MCHR2: variants seen among roughly 807,000 people sequenced by gnomAD.
MCHR2 encodes melanin concentrating hormone receptor 2, also known as melanin-concentrating hormone receptor 2.
Under a neutral mutation model 24.8 loss-of-function variants are expected in MCHR2, and 15 were observed. The observed-to-expected ratio is 0.60, with a 90% CI of 0.40 to 0.93. The LOEUF (loss-of-function observed/expected upper bound fraction) is 0.93, where lower values mean the gene tolerates loss of function less well. MCHR2 is among the 40% of genes least tolerant of loss of function. MCHR2 has a pLI of 0.00. For synonymous variants in MCHR2, 151 were observed against 147.6 expected (o/e 1.02, Z -0.17); for missense variants, 386 against 408.7 (o/e 0.94, Z 0.48).
At chr6:99,975,494 AG>A (rs758382958) in intron 1 of MCHR2, among the ~76,000 whole-genome samples, 44 of 152,206 alleles carry the variant, frequency 2.9e-4, no homozygotes, top group Non-Finnish European at 5.6e-4. Context: ...TGACTAGGAA[AG>A]GGAACTCCCT....
chr6:99,964,553 G>A (rs909969699), intron 1 of MCHR2, among the ~76,000 whole-genome samples: 1 of 152,030 alleles, frequency 6.6e-6, no homozygotes, highest in Non-Finnish European at 1.5e-5. Context: ...CAGGAGAAAT[G>A]CCACATGCTA....
chr6:99,954,851 A>G (rs982267890), intron 2 of MCHR2, among the ~76,000 whole-genome samples: 1 of 152,166 alleles, frequency 6.6e-6, no homozygotes, highest in African/African-American at 2.4e-5. Context: ...CATGCATAAA[A>G]TTATTCAAAA....
At chr6:99,935,809 C>T (rs1214817602) in intron 4 of MCHR2, among the ~76,000 whole-genome samples, 1 of 151,722 alleles carries the variant, frequency 6.6e-6, no homozygotes, top group African/African-American at 2.4e-5. Flanking sequence ...TATATATTCC[C>T]ACCGACAATG....
chr6:99,940,012 A>G (rs1774741777), intron 4 of MCHR2, among the ~76,000 whole-genome samples: 1 of 150,410 alleles, frequency 6.6e-6, no homozygotes, highest in Admixed American at 6.7e-5. Flanking sequence ...CTGATTTTAG[A>G]GTTCTATCTT....
chr6:99,952,229 A>G (rs1774978573), intron 2 of MCHR2, among the ~76,000 whole-genome samples: 1 of 152,074 alleles, frequency 6.6e-6, no homozygotes, highest in African/African-American at 2.4e-5. Context: ...CCTGCTGTAA[A>G]TTTAATGTAC....
At chr6:99,941,985 G>A (rs1438465410) in intron 4 of MCHR2, among the ~76,000 whole-genome samples, 1 of 152,214 alleles carries the variant, frequency 6.6e-6, no homozygotes, top group East Asian at 1.9e-4. Flanking sequence ...ACTGACTTGA[G>A]ATAGCATATG....
chr6:99,961,965 T>G (rs1280280261), intron 1 of MCHR2, among the ~76,000 whole-genome samples: 1 of 152,152 alleles, frequency 6.6e-6, no homozygotes, highest in African/African-American at 2.4e-5. Flanking sequence ...TCTTCACAAT[T>G]TCACAGATAG....
intron 5 of MCHR2, 93 bp from the exon 6 acceptor site, chr6:99,921,348 G>T (rs1423826429): frequency 9.4e-7 from 1 of 1,066,088 alleles, no homozygotes; most frequent in South Asian, 1.6e-5. Context: ...GTTCATAATG[G>T]CTTTGTAGTG....
At chr6:99,924,064 A>G (rs1774298490) in intron 5 of MCHR2, among the ~76,000 whole-genome samples, 1 of 152,010 alleles carries the variant, frequency 6.6e-6, no homozygotes, top group African/African-American at 2.4e-5. Flanking sequence ...GGAGACTTTT[A>G]ATTATGGCTT....
At chr6:99,939,880 T>G (rs1005999777) in intron 4 of MCHR2, among the ~76,000 whole-genome samples, 2 of 151,184 alleles carry the variant, frequency 1.3e-5, no homozygotes, top group Admixed American at 6.6e-5. Flanking sequence ...GTGTTTTTTT[T>G]TTTTTTTTTT....
At chr6:99,963,165 G>C (rs567473496) in intron 1 of MCHR2, among the ~76,000 whole-genome samples, 6 of 152,044 alleles carry the variant, frequency 3.9e-5, no homozygotes, top group Non-Finnish European at 5.9e-5. Context: ...ATGTGGAAAA[G>C]TTGGAACTCT....
chr6:99,953,587 TG>T (rs1295586476), intron 2 of MCHR2, among the ~76,000 whole-genome samples: 1 of 152,246 alleles, frequency 6.6e-6, no homozygotes, highest in East Asian at 1.9e-4. Flanking sequence ...TTCCCCCACT[TG>T]ATTGTTTTTA....
chr6:99,930,803 G>C (rs1774504841), intron 5 of MCHR2, among the ~76,000 whole-genome samples: 1 of 152,064 alleles, frequency 6.6e-6, no homozygotes, highest in African/African-American at 2.4e-5. Flanking sequence ...TTGTAGCTCA[G>C]AGCAGTTTGA....
chr6:99,984,766 C>A (rs943191126), intron 1 of MCHR2, among the ~76,000 whole-genome samples: 3 of 152,032 alleles, frequency 2.0e-5, no homozygotes, highest in African/African-American at 4.8e-5. Flanking sequence ...TAGAATGGGA[C>A]AATACAAGGA....
At chr6:99,924,757 G>C (rs1056900671) in intron 5 of MCHR2, among the ~76,000 whole-genome samples, 1 of 152,098 alleles carries the variant, frequency 6.6e-6, no homozygotes, top group African/African-American at 2.4e-5. Context: ...ATTGTGGTCA[G>C]AGAAGATGTT....
chr6:99,950,297 A>G (rs1289225272), intron 2 of MCHR2, among the ~76,000 whole-genome samples: 2 of 152,180 alleles, frequency 1.3e-5, no homozygotes, highest in Non-Finnish European at 2.9e-5. Context: ...ATTAAAAACA[A>G]TTAAATAGAA....
intron 1 of MCHR2, among the ~76,000 whole-genome samples, chr6:99,958,718 A>G (rs1191135857): frequency 3.3e-5 from 5 of 152,194 alleles, no homozygotes; most frequent in Admixed American, 2.0e-4. Context: ...AGCTACATCA[A>G]AGCCAATAGA....
intron 1 of MCHR2, among the ~76,000 whole-genome samples, chr6:99,967,712 A>G (rs188367451): frequency 2.0e-5 from 3 of 152,250 alleles, no homozygotes; most frequent in Admixed American, 2.0e-4. Context: ...GCACAATTAC[A>G]TTTACCTGTC....
In MCHR2 at chr6:99,943,099, G is replaced by C; in HGVS notation, c.437C>G (p.Thr146Arg). Residue 146 changes from threonine (T) to arginine (R), a missense_variant, in exon 4 of 6, where the codon ACA (threonine) becomes AGA (arginine). Thr to Arg is a moderately conservative substitution (Grantham distance 71). Coordinates refer to ENST00000281806, the MANE Select transcript of MCHR2 (RefSeq NM_001040179.2). ...VQPFRLTRWRTRYKTIRINLG... is the reference protein window; with the variant it reads ...VQPFRLTRWRRRYKTIRINLG... ...ATTGATCCGGATGGTCTTGTACCTTGTTCTCCAACGTGTCAGTCGAAATGG... is the reference window on the plus strand; with the variant it reads ...ATTGATCCGGATGGTCTTGTACCTTCTTCTCCAACGTGTCAGTCGAAATGG... 9.3e-6 allele frequency: 15 copies of C among 1,610,530 alleles called. No homozygotes were observed. The highest frequency in any genetic ancestry group is 1.2e-5 in the Non-Finnish European group (14 of 1,177,822).
Sources: allele counts gnomAD v4.1 joint callset (sites outside exome capture counted in the v4.1 genomes callset), GRCh38; gene constraint gnomAD v4.1.1; transcripts MANE v1.5; gene names NCBI Gene and HGNC (gene_info 2026-07-23, HGNC 2026-07-21).